ADAM12: variants seen among roughly 807,000 people sequenced by gnomAD.
ADAM12 encodes disintegrin and metalloproteinase domain-containing protein 12.
ADAM12 carries 70 observed loss-of-function variants against 106.4 expected under a neutral mutation model. The ratio of observed to expected loss-of-function variants is 0.66; its 90% confidence interval spans 0.54 to 0.80. The LOEUF (loss-of-function observed/expected upper bound fraction) is 0.80, where lower values mean the gene tolerates loss of function less well. Among genes scored for constraint, ADAM12 ranks in the 30% least tolerant of loss-of-function variants. The pLI is 0.00. For missense variants in ADAM12, 1,010 were observed against 1,171.9 expected, an observed-to-expected ratio of 0.86 and a Z score of 2.02; for synonymous variants, 420 against 433.5, an observed-to-expected ratio of 0.97 and a Z score of 0.39.
chr10:126,151,342 G>C (rs1419084800), intron 4 of ADAM12, among the ~76,000 whole-genome samples: 2 of 152,138 alleles, frequency 1.3e-5, no homozygotes, highest in Non-Finnish European at 2.9e-5. Flanking sequence ...AAACAGTATA[G>C]GTTATCACAG....
chr10:126,155,113 G>A, intron 4 of ADAM12, 114 bp downstream of exon 4: 12 of 1,150,588 alleles, frequency 1.0e-5, no homozygotes, highest in Non-Finnish European at 1.5e-5. Context: ...GCTTCTTGGG[G>A]GGGCCTAAGT....
intron 1 of ADAM12, among the ~76,000 whole-genome samples, chr10:126,386,383 T>G (rs1429463865): frequency 6.6e-6 from 1 of 152,242 alleles, no homozygotes. Context: ...TGTTTCATTA[T>G]ATGTTTGGCG....
chr10:126,152,910 ATT>A (rs1004558426), intron 4 of ADAM12, among the ~76,000 whole-genome samples: 2 of 152,152 alleles, frequency 1.3e-5, no homozygotes, highest in Non-Finnish European at 2.9e-5. Flanking sequence ...TTCTTAAACC[ATT>A]TTAAATCTAT....
At chr10:126,086,680 A>AAAAAAAAAATATATATATATATAT (rs1554966976) in intron 11 of ADAM12, among the ~76,000 whole-genome samples, 2 of 24,270 alleles carry the variant, frequency 8.2e-5, no homozygotes, top group Non-Finnish European at 1.2e-4. Flanking sequence ...AAAAAAAAAA[A>AAAAAAAAAATATATATATATATAT]ATATATATAT....
rs1390309266 is a variant in ADAM12 at position 126,014,311 on chromosome 10, C to T, written c.*2968G>A. 2 of 97,086 alleles carry T rather than the reference C, an allele frequency of 2.1e-5. No individual in the cohort carries two copies. Among genetic ancestry groups the T allele is most frequent in the African/African-American group, 3.7e-5 (1 of 27,326 alleles). 6.0% of individuals were successfully genotyped at this position (97,086 alleles called of 1,614,324 possible). A position where few individuals can be genotyped will look rare whatever the true frequency, so the allele number is the denominator to read the frequency against. ...AAGAACATTTTGACACAGTTTTAGCCGGTTTTTTTTTTTTTTTTTTTTTTT... is the reference window on the plus strand; with the variant it reads ...AAGAACATTTTGACACAGTTTTAGCTGGTTTTTTTTTTTTTTTTTTTTTTT... On this transcript the variant is annotated 3_prime_UTR_variant, in exon 23 of 23. Transcript: ENST00000448723.
chr10:126,118,660 G>A (rs913685674), intron 5 of ADAM12, among the ~76,000 whole-genome samples: 4 of 152,164 alleles, frequency 2.6e-5, no homozygotes, highest in Non-Finnish European at 4.4e-5. Flanking sequence ...CTTTGGTTAC[G>A]TGGATAAATT....
rs926982711 is a variant in ADAM12, at chr10:126,278,832, A to C, written c.260+83T>G. The C allele has an allele frequency of 4.8e-6, 5 of 1,044,966 alleles. No individual in the cohort carries two copies. The South Asian group carries it at 7.1e-5, about 15-fold the overall frequency. The allele number at this position is 1,044,966 out of a possible 1,614,324, so 64.7% of individuals were successfully genotyped here. On this transcript the variant is annotated intron_variant, in intron 3 of 22. Transcript: ENST00000448723. ...CATGCATTTCGTTCTTTGTTTCTAAACCCCAACATAAATCACAGAGCACTT... is the reference window on the plus strand; with the variant it reads ...CATGCATTTCGTTCTTTGTTTCTAACCCCCAACATAAATCACAGAGCACTT...
rs7899125 is a variant in ADAM12 at position 126,349,600 on chromosome 10, A to T, written c.89-19091T>A. ...TAAAATAAGAGACAGGAATCCAAAT[A>T]TATCCACTATAAAATAAACATTTGC... is the stretch of plus-strand genomic sequence containing the variant. On this transcript the variant is annotated intron_variant, in intron 1 of 22. Transcript: ENST00000448723. 6.5e-3 allele frequency among the ~76,000 whole-genome samples: 995 copies of T among 152,326 alleles called. 8 individuals carry two copies. The highest frequency in any genetic ancestry group is 0.023 in the African/African-American group (952 of 41,572).
chr10:126,274,293 G>A (rs551596437), intron 3 of ADAM12, among the ~76,000 whole-genome samples: 39 of 152,240 alleles, frequency 2.6e-4, no homozygotes, highest in African/African-American at 8.9e-4. Flanking sequence ...CAGGGTTTTG[G>A]CTGTGCCCCA....
intron 1 of ADAM12, among the ~76,000 whole-genome samples, chr10:126,385,279 C>T (rs1477491490): frequency 6.6e-6 from 1 of 152,156 alleles, no homozygotes; most frequent in African/African-American, 2.4e-5. Flanking sequence ...ATTACACAGC[C>T]ATGATTAATT....
chr10:126,151,312 G>A (rs187477388), intron 4 of ADAM12, among the ~76,000 whole-genome samples: 7 of 152,236 alleles, frequency 4.6e-5, no homozygotes, highest in Admixed American at 1.3e-4. Flanking sequence ...ACTCACAAAA[G>A]CTATTAAAAT....
At chr10:126,210,946 CCT>C (rs2133836352) in intron 3 of ADAM12, among the ~76,000 whole-genome samples, 1 of 152,254 alleles carries the variant, frequency 6.6e-6, no homozygotes, top group East Asian at 1.9e-4. Context: ...TCCATATTTT[CCT>C]CTGAGTAATT....
intron 12 of ADAM12, among the ~76,000 whole-genome samples, chr10:126,068,866 G>A (rs1445633536): frequency 6.6e-6 from 1 of 152,202 alleles, no homozygotes; most frequent in African/African-American, 2.4e-5. Flanking sequence ...CAGGTTGTAG[G>A]TAGCAGACAC....
chr10:126,233,824 A>G (rs935402305), intron 3 of ADAM12, among the ~76,000 whole-genome samples: 1 of 152,196 alleles, frequency 6.6e-6, no homozygotes, highest in Non-Finnish European at 1.5e-5. Flanking sequence ...TTGATCTATG[A>G]TAACAGATGA....
chr10:126,382,299 G>A (rs879264762), intron 1 of ADAM12, among the ~76,000 whole-genome samples: 7 of 152,188 alleles, frequency 4.6e-5, no homozygotes, highest in South Asian at 2.1e-4. Flanking sequence ...GTCCTACTCC[G>A]ACCAACATGG....
chr10:126,097,759 G>A (rs1955583844), intron 10 of ADAM12, among the ~76,000 whole-genome samples: 1 of 152,130 alleles, frequency 6.6e-6, no homozygotes, highest in Admixed American at 6.5e-5. Flanking sequence ...CAAGCCCCCT[G>A]CTGGCAAGCC....
chr10:126,308,599 A>G (rs539463963), intron 2 of ADAM12, among the ~76,000 whole-genome samples: 1 of 152,352 alleles, frequency 6.6e-6, no homozygotes, highest in South Asian at 2.1e-4. Flanking sequence ...CACAGCCACT[A>G]TTTAAAATTA....
In ADAM12 at chr10:126,082,707, GC is replaced by G. The variant is rs1379902355; in HGVS notation, c.1146-11054del. On this transcript the variant is annotated intron_variant, in intron 11 of 22. Coordinates refer to ENST00000448723, the MANE Select transcript of ADAM12 (RefSeq NM_001288973.2). ...ATTCATTCCATAACTAGCTTGCTGA[GC>G]TTTTCCAAAAACAACTTAGCCATTC... Among the ~76,000 whole-genome samples the G allele has an allele frequency of 2.0e-5, 3 of 152,206 alleles. No individual in the cohort carries two copies. The East Asian group carries it at 5.8e-4, about 29-fold the overall frequency.
chr10:126,054,609 G>A (rs2133453242), intron 14 of ADAM12, among the ~76,000 whole-genome samples: 1 of 152,324 alleles, frequency 6.6e-6, no homozygotes, highest in South Asian at 2.1e-4. Context: ...CAGTAACCAT[G>A]CTTCAGAGTT....
Sources: gnomAD v4.1 joint callset for allele counts (sites outside exome capture counted in the v4.1 genomes callset) on GRCh38, gnomAD v4.1.1 for gene constraint, MANE v1.5 for transcripts, NCBI Gene and HGNC (gene_info 2026-07-23, HGNC 2026-07-21) for gene names.